ABLIM1: variants seen among roughly 807,000 people sequenced by gnomAD.
The protein encoded by ABLIM1 is actin binding LIM protein 1.
A neutral mutation model predicts 107.0 loss-of-function variants in ABLIM1; 40 were observed. The ratio of observed to expected loss-of-function variants is 0.37; its 90% CI spans 0.29 to 0.49. The LOEUF (loss-of-function observed/expected upper bound fraction) is 0.49. ABLIM1 is among the 20% of genes least tolerant of loss of function. The pLI, the probability that ABLIM1 is intolerant of heterozygous loss-of-function variation, is 0.97. For synonymous variants in ABLIM1, 357 were observed against 357.3 expected, an observed-to-expected ratio of 1.00 and a Z score of 0.01; for missense variants, 857 against 1,008.5, an observed-to-expected ratio of 0.85 and a Z score of 2.04.
chr10:114,552,503 A>AAG (rs2068191421), intron 4 of ABLIM1, among the ~76,000 whole-genome samples: 1 of 151,888 alleles, frequency 6.6e-6, no homozygotes, highest in Non-Finnish European at 1.5e-5. Flanking sequence ...AAAAAAAAAA[A>AAG]AAAAAGAGAA....
At chr10:114,597,990 G>A (rs2075601138) in intron 2 of ABLIM1, among the ~76,000 whole-genome samples, 1 of 152,126 alleles carries the variant, frequency 6.6e-6, no homozygotes, top group African/African-American at 2.4e-5. Context: ...GTCTAGTCCA[G>A]GCCAGGCACA....
chr10:114,763,154 G>A (rs1191850991), intron 1 of ABLIM1, among the ~76,000 whole-genome samples: 1 of 152,108 alleles, frequency 6.6e-6, no homozygotes, highest in East Asian at 1.9e-4. Context: ...CATGGTGTAT[G>A]TATTTACTAT....
the ABLIM1 span, among the ~76,000 whole-genome samples, chr10:114,795,721 A>AG: frequency 6.6e-6 from 1 of 152,034 alleles, no homozygotes; most frequent in Non-Finnish European, 1.5e-5. Flanking sequence ...AAAAAAAAAA[A>AG]AAAGAAATTA....
the ABLIM1 span, among the ~76,000 whole-genome samples, chr10:114,781,552 ATGTGTGTG>A: frequency 1.1e-4 from 16 of 149,030 alleles, no homozygotes; most frequent in Non-Finnish European, 2.2e-4. Flanking sequence ...ATATCTATAT[ATGTGTGTG>A]TGTGTGTGTA....
rs75576076 is a variant in ABLIM1, at chr10:114,636,187, C to T, written c.244+21770G>A. ...GGAAGAGTAAGGAGGTACGTAATGA[C>T]GGGTCAAGTGCAGAAAGAGGGAAAG... On this transcript the variant is annotated intron_variant, in intron 1 of 22. Coordinates refer to ENST00000533213, the MANE Select transcript of ABLIM1 (RefSeq NM_002313.7). Among the ~76,000 whole-genome samples the T allele has an allele frequency of 2.3e-3, 343 of 152,156 alleles. 3 individuals are homozygous for T. The highest frequency in any genetic ancestry group is 4.0e-3 in the Non-Finnish European group (274 of 68,010).
At chr10:114,456,589 T>C (rs925115913) in intron 12 of ABLIM1, among the ~76,000 whole-genome samples, 1 of 152,218 alleles carries the variant, frequency 6.6e-6, no homozygotes, top group Non-Finnish European at 1.5e-5. Flanking sequence ...GTTTTGGTTA[T>C]AATACACAAT....
intron 1 of ABLIM1, among the ~76,000 whole-genome samples, chr10:114,766,442 T>C (rs1382845359): frequency 6.6e-6 from 1 of 152,170 alleles, no homozygotes; most frequent in Non-Finnish European, 1.5e-5. Flanking sequence ...CTCAGTCCCA[T>C]TCCAGGGCTT....
At chr10:114,454,569 G>A (rs139593581) in intron 12 of ABLIM1, among the ~76,000 whole-genome samples, 382 of 152,300 alleles carry the variant, frequency 2.5e-3, no homozygotes, top group African/African-American at 8.9e-3. Context: ...AGAGGGACCA[G>A]GGCAGAAAAG....
chr10:114,450,028 C>A, intron 14 of ABLIM1: 2 of 271,864 alleles, frequency 7.4e-6, no homozygotes, highest in Non-Finnish European at 1.6e-5. Context: ...TATTTTTGTT[C>A]AGAGAGGAGG....
intron 4 of ABLIM1, among the ~76,000 whole-genome samples, chr10:114,563,613 T>G (rs2070140294): frequency 6.6e-6 from 1 of 151,816 alleles, no homozygotes; most frequent in African/African-American, 2.4e-5. Flanking sequence ...GGTGGGTCGA[T>G]CATTTGAGGT....
chr10:114,559,432 G>A (rs75385011), intron 4 of ABLIM1, among the ~76,000 whole-genome samples: 4,522 of 51,814 alleles, frequency 0.087, 305 homozygotes, highest in African/African-American at 0.21. Flanking sequence ...GCAAAAACTC[G>A]TCTCTCAAAA....
upstream of ABLIM1, among the ~76,000 whole-genome samples, chr10:114,769,545 GAAGA>G (rs202027582): frequency 8.7e-3 from 1,236 of 142,464 alleles, 11 homozygotes; most frequent in African/African-American, 0.022. Context: ...AGGAAGGAAG[GAAGA>G]AAGAAAGAGA....
chr10:114,684,361 G>A (rs971180957), exon 1 of ABLIM1: 19 of 1,614,016 alleles, frequency 1.2e-5, no homozygotes, highest in Admixed American at 1.7e-5. Flanking sequence ...CATGCACAAA[G>A]CTCCAGGGTT....
At chr10:114,476,000 A>T (rs1223063918) in intron 8 of ABLIM1, among the ~76,000 whole-genome samples, 1 of 152,256 alleles carries the variant, frequency 6.6e-6, no homozygotes, top group African/African-American at 2.4e-5. Flanking sequence ...ACTCCTTCAG[A>T]CAAGGGTGTT....
At chr10:114,631,958 G>C in intron 1 of ABLIM1, 1 of 1,304,002 alleles carries the variant, frequency 7.7e-7, no homozygotes, top group South Asian at 1.2e-5. Context: ...AAGAAGGAAC[G>C]AGGAATAAAC....
At chr10:114,498,401 C>A (rs187229286) in intron 6 of ABLIM1, among the ~76,000 whole-genome samples, 1 of 152,298 alleles carries the variant, frequency 6.6e-6, no homozygotes, top group African/African-American at 2.4e-5. Flanking sequence ...AGGAGAAATT[C>A]TAATGCCCTA....
chr10:114,545,942 A>AAC (rs397947601), intron 5 of ABLIM1, among the ~76,000 whole-genome samples: 5 of 50,406 alleles, frequency 9.9e-5, no homozygotes, highest in African/African-American at 2.3e-4. Flanking sequence ...AAAAAAAAAA[A>AAC]CAAAAAAAAA....
intron 1 of ABLIM1, among the ~76,000 whole-genome samples, chr10:114,728,123 A>T (rs2081997736): frequency 6.6e-6 from 1 of 152,188 alleles, no homozygotes; most frequent in South Asian, 2.1e-4. Flanking sequence ...AAAGCAAATG[A>T]CTGTAATCAT....
chr10:114,756,571 TTA>T (rs1404529288), intron 1 of ABLIM1, among the ~76,000 whole-genome samples: 1 of 152,216 alleles, frequency 6.6e-6, no homozygotes, highest in Non-Finnish European at 1.5e-5. Flanking sequence ...CTTAAATATT[TTA>T]TGTTTCTCAG....
Sources: gnomAD v4.1 joint callset for allele counts (sites outside exome capture counted in the v4.1 genomes callset) on GRCh38, gnomAD v4.1.1 for gene constraint, MANE v1.5 for transcripts, NCBI Gene and HGNC (gene_info 2026-07-23, HGNC 2026-07-21) for gene names.